ZNF566: variants seen among roughly 807,000 people sequenced by gnomAD.
The protein encoded by ZNF566 is zinc finger protein 566.
ZNF566 carries 27 observed loss-of-function variants against 32.8 expected under a neutral mutation model. The observed-to-expected ratio is 0.82, with a 90% CI of 0.61 to 1.14. ZNF566 has a LOEUF of 1.14. Among genes scored for constraint, ZNF566 ranks in the 50% most tolerant of loss-of-function variants. The pLI is 0.00. For synonymous variants in ZNF566, 154 were observed against 159.5 expected, an observed-to-expected ratio of 0.97 and a Z score of 0.26; for missense variants, 402 against 490.4, an observed-to-expected ratio of 0.82 and a Z score of 1.70.
At chr19:36,463,544 T>C (rs981456548) in intron 4 of ZNF566, among the ~76,000 whole-genome samples, 114 of 143,156 alleles carry the variant, frequency 8.0e-4, no homozygotes, top group Non-Finnish European at 1.4e-3. Flanking sequence ...TTTCTTTTTT[T>C]TTTTTTTTTT....
intron 4 of ZNF566, among the ~76,000 whole-genome samples, chr19:36,466,854 G>T (rs898145776): frequency 1.3e-4 from 20 of 151,960 alleles, no homozygotes; most frequent in African/African-American, 4.8e-4. Flanking sequence ...GGATCACAAG[G>T]TCAGGAGATC....
At chr19:36,462,041 TGCAATG>T (rs1373582685) in intron 4 of ZNF566, among the ~76,000 whole-genome samples, 2 of 148,388 alleles carry the variant, frequency 1.3e-5, no homozygotes, top group East Asian at 4.0e-4. Context: ...CAGGTTGGAG[TGCAATG>T]GCATGATCTC....
intron 4 of ZNF566, among the ~76,000 whole-genome samples, chr19:36,465,465 C>T (rs1280690988): frequency 6.8e-6 from 1 of 147,198 alleles, no homozygotes; most frequent in East Asian, 2.0e-4. Flanking sequence ...TCTATATATT[C>T]TACTATGTTT....
intron 4 of ZNF566, among the ~76,000 whole-genome samples, chr19:36,455,668 A>C (rs1428002154): frequency 6.6e-6 from 1 of 152,084 alleles, no homozygotes; most frequent in Non-Finnish European, 1.5e-5. Context: ...TGAACCCAGG[A>C]GATGGAGGTT....
At chr19:36,472,822 A>C (rs1790551703) in intron 4 of ZNF566, 89 bp downstream of exon 4, 2 of 1,051,552 alleles carry the variant, frequency 1.9e-6, no homozygotes, top group African/African-American at 1.6e-5. Context: ...ACAGGCCAAA[A>C]GCCTGTGAGG....
At chr19:36,456,402 A>C (rs1046307129) in intron 4 of ZNF566, 2 of 137,676 alleles carry the variant, frequency 1.5e-5, no homozygotes, top group African/African-American at 5.5e-5. Flanking sequence ...AAAAAAAAAA[A>C]ATTAGCCGGG....
chr19:36,463,537 CTTTTTTTTTTT>C (rs56787323), intron 4 of ZNF566, among the ~76,000 whole-genome samples: 1 of 106,290 alleles, frequency 9.4e-6, no homozygotes, highest in African/African-American at 3.5e-5. Flanking sequence ...AATGTAATTT[CTTTTTTTTTTT>C]TTTTTTTTTT....
chr19:36,460,670 A>G (rs2033439123), intron 4 of ZNF566, among the ~76,000 whole-genome samples: 1 of 152,202 alleles, frequency 6.6e-6, no homozygotes, highest in Admixed American at 6.5e-5. Flanking sequence ...GAAAACTTAC[A>G]AATTTTGTGA....
intron 1 of ZNF566, among the ~76,000 whole-genome samples, chr19:36,482,937 A>G (rs1264512968): frequency 6.6e-6 from 1 of 152,224 alleles, no homozygotes; most frequent in East Asian, 1.9e-4. Context: ...CATTCTAACT[A>G]TCCATTATAA....
At chr19:36,481,057 A>C (rs1568531711) in intron 1 of ZNF566, among the ~76,000 whole-genome samples, 1 of 152,160 alleles carries the variant, frequency 6.6e-6, no homozygotes, top group Non-Finnish European at 1.5e-5. Flanking sequence ...AAAAAGCACT[A>C]GTCATAAAAG....
intron 1 of ZNF566, among the ~76,000 whole-genome samples, chr19:36,477,780 C>T (rs1025644384): frequency 1.2e-4 from 18 of 151,876 alleles, no homozygotes; most frequent in Admixed American, 3.9e-4. Flanking sequence ...TTCCAAAGTG[C>T]TGGGATTATA....
chr19:36,456,443 C>T (rs1251622568), intron 4 of ZNF566: 1 of 148,646 alleles, frequency 6.7e-6, no homozygotes, highest in African/African-American at 2.5e-5. Context: ...GTCCCAGATA[C>T]TCGGGAGGCT....
At chr19:36,450,950 T>C (rs2033141908) in intron 4 of ZNF566, among the ~76,000 whole-genome samples, 1 of 152,236 alleles carries the variant, frequency 6.6e-6, no homozygotes, top group South Asian at 2.1e-4. Flanking sequence ...TAGATATGCA[T>C]CGTCTAATAC....
intron 4 of ZNF566, among the ~76,000 whole-genome samples, chr19:36,472,155 C>T (rs2033780784): frequency 6.6e-6 from 1 of 152,132 alleles, no homozygotes; most frequent in Non-Finnish European, 1.5e-5. Context: ...TGTTCCTCCT[C>T]CTTCATACCA....
chr19:36,472,785 A>G, intron 4 of ZNF566, 126 bp downstream of exon 4: 1 of 690,224 alleles, frequency 1.4e-6, no homozygotes, highest in Admixed American at 2.5e-5. Context: ...TTGAAAGCTC[A>G]TGTAGAAAAG....
chr19:36,453,493 AAATAAATAAATAAATTAATT>A (rs1440592520), intron 4 of ZNF566, among the ~76,000 whole-genome samples: 7 of 118,684 alleles, frequency 5.9e-5, no homozygotes, highest in South Asian at 3.0e-4. Flanking sequence ...ATAAATAAAT[AAATAAATAAATAAATTAATT>A]AATTAAAATA....
intron 4 of ZNF566, among the ~76,000 whole-genome samples, chr19:36,471,762 TGAGA>T (rs1463765603): frequency 6.6e-6 from 1 of 152,116 alleles, no homozygotes; most frequent in Non-Finnish European, 1.5e-5. Context: ...TTTCTTTTTT[TGAGA>T]GAGTCTCTCT....
At position 36,447,931 on chromosome 19, in the gene ZNF566, T is replaced by C. The variant is rs1472725439; in HGVS notation, c.*1046A>G. The C allele has an allele frequency of 2.0e-5, 3 of 152,188 alleles. No homozygotes were observed. The highest frequency in any genetic ancestry group is 7.2e-5 in the African/African-American group (3 of 41,450). 9.4% of individuals were successfully genotyped at this position (152,188 alleles called of 1,614,324 possible). ...AAATAATAATACTGATGATGATGAA[T>C]ATAATAACGATGACTAACATTCAGT... On this transcript the variant is annotated 3_prime_UTR_variant, in exon 5 of 5. Coordinates refer to ENST00000452939, the MANE Select transcript of ZNF566 (RefSeq NM_001145344.1).
chr19:36,453,806 T>C (rs1232458332), intron 4 of ZNF566, among the ~76,000 whole-genome samples: 1 of 151,964 alleles, frequency 6.6e-6, no homozygotes, highest in Non-Finnish European at 1.5e-5. Flanking sequence ...TAGCTGAAAC[T>C]AGACATGTGC....
Sources: allele counts gnomAD v4.1 joint callset (sites outside exome capture counted in the v4.1 genomes callset), GRCh38; gene constraint gnomAD v4.1.1; transcripts MANE v1.5; gene names NCBI Gene and HGNC (gene_info 2026-07-23, HGNC 2026-07-21).